Variants in KCTD16 observed in about 807,000 individuals in gnomAD.
KCTD16 encodes BTB/POZ domain-containing protein KCTD16.
A neutral mutation model predicts 33.2 loss-of-function variants in KCTD16; 13 were observed. The observed-to-expected ratio is 0.39, with a 90% CI of 0.25 to 0.62. The LOEUF (loss-of-function observed/expected upper bound fraction) is 0.62, where lower values mean the gene tolerates loss of function less well. KCTD16 is among the 20% of genes least tolerant of loss of function. KCTD16 has a pLI of 0.50. For missense variants in KCTD16, 441 were observed against 525.1 expected, an observed-to-expected ratio of 0.84 and a Z score of 1.57; for synonymous variants, 197 against 195.3, an observed-to-expected ratio of 1.01 and a Z score of -0.07.
At chr5:144,396,778 T>C (rs1179570826) in intron 3 of KCTD16, among the ~76,000 whole-genome samples, 1 of 152,056 alleles carries the variant, frequency 6.6e-6, no homozygotes, top group Non-Finnish European at 1.5e-5. Flanking sequence ...TGCTTATCAA[T>C]GCTCTAATGT....
intron 2 of KCTD16, among the ~76,000 whole-genome samples, chr5:144,185,238 C>T (rs1227706152): frequency 1.3e-5 from 2 of 152,142 alleles, no homozygotes; most frequent in African/African-American, 4.8e-5. Context: ...ATTATTTTGC[C>T]TCTCTGACAC....
chr5:144,415,987 T>C (rs1215873689), intron 3 of KCTD16, among the ~76,000 whole-genome samples: 23 of 152,182 alleles, frequency 1.5e-4, no homozygotes, highest in Admixed American at 6.5e-5. Flanking sequence ...ACAGATAATC[T>C]TACAGTGTAG....
intron 3 of KCTD16, among the ~76,000 whole-genome samples, chr5:144,456,436 A>T (rs1450480822): frequency 6.6e-6 from 1 of 152,022 alleles, no homozygotes; most frequent in Non-Finnish European, 1.5e-5. Context: ...TTGCTCTATC[A>T]CTTTGTTCCT....
In KCTD16 at chr5:144,207,480, G is replaced by C. The variant is rs752000601; in HGVS notation, c.766G>C (p.Ala256Pro). The part of the protein sequence containing the change: ...HMVACNSSVT[A>P]SFINQYTDDK... ...GGTGGCCTGTAACTCATCGGTGACA[G>C]CATCTTTCATCAACCAATATACAGA... Residue 256 changes from alanine to proline, a missense_variant, in exon 3 of 4, where the codon GCA becomes CCA. Physicochemically the swap from Ala to Pro is conservative, Grantham distance 27. Transcript: ENST00000512467. The C allele has an allele frequency of 1.2e-6, 2 of 1,614,044 alleles. No homozygotes were observed. Among genetic ancestry groups the C allele is most frequent in the East Asian group, 4.5e-5 (2 of 44,890 alleles).
chr5:144,468,895 C>A (rs950283681), intron 3 of KCTD16, among the ~76,000 whole-genome samples: 9 of 152,188 alleles, frequency 5.9e-5, no homozygotes, highest in African/African-American at 2.2e-4. Flanking sequence ...ATGTTTCACT[C>A]AGCTCGGTTT....
rs950240274 is a variant in KCTD16 at position 144,179,379 on chromosome 5, A to G, written c.-327+4907A>G. On this transcript the variant is annotated intron_variant, in intron 2 of 3. Coordinates refer to ENST00000512467, the MANE Select transcript of KCTD16 (RefSeq NM_020768.4). ...CTCCCCCCATGGGAACCAGGAGGCAACTCATCCTCTAGATACTGTACACCA... is the reference window on the plus strand; with the variant it reads ...CTCCCCCCATGGGAACCAGGAGGCAGCTCATCCTCTAGATACTGTACACCA... 8.5e-5 allele frequency among the ~76,000 whole-genome samples: 13 copies of G among 152,170 alleles called. No homozygotes were observed. The East Asian group carries it at 2.5e-3, about 29-fold the overall frequency.
chr5:144,324,952 G>GA (rs1433078176), intron 3 of KCTD16, among the ~76,000 whole-genome samples: 1 of 152,160 alleles, frequency 6.6e-6, no homozygotes, highest in Non-Finnish European at 1.5e-5. Context: ...GAGAGCATCA[G>GA]AAAAAATAGC....
At chr5:144,392,843 A>C (rs1280279434) in intron 3 of KCTD16, among the ~76,000 whole-genome samples, 6 of 152,168 alleles carry the variant, frequency 3.9e-5, no homozygotes, top group Non-Finnish European at 8.8e-5. Context: ...TGAAGCCTCC[A>C]TCAACGCAAG....
rs576166630 is a variant in KCTD16 at position 144,428,243 on chromosome 5, C to A, written c.833-45417C>A. Among the ~76,000 whole-genome samples, 10 of 152,236 alleles carry A rather than the reference C, an allele frequency of 6.6e-5. 1 individual carries two copies. Among genetic ancestry groups the A allele is most frequent in the African/African-American group, 2.4e-4 (10 of 41,572 alleles). On this transcript the variant is annotated intron_variant, in intron 3 of 3. Transcript: ENST00000512467. ...GGAAATAGATAAAATGGTGATAAGC[C>A]ATTCTTTGCTGTTGCTTGTCTGTTA... is the stretch of plus-strand genomic sequence containing the variant.
chr5:144,429,145 G>A (rs1002667512), intron 3 of KCTD16, among the ~76,000 whole-genome samples: 2 of 152,086 alleles, frequency 1.3e-5, no homozygotes, highest in Non-Finnish European at 2.9e-5. Context: ...GAGAAAAGTG[G>A]AACAGATTGA....
At chr5:144,299,898 TA>T (rs66821172) in intron 3 of KCTD16, among the ~76,000 whole-genome samples, 32,744 of 128,740 alleles carry the variant, frequency 0.25, 3,946 homozygotes, top group Non-Finnish European at 0.32. Flanking sequence ...CAGAATCATT[TA>T]AAAAAAAAAA....
chr5:144,189,119 G>A (rs1752787365), intron 2 of KCTD16, among the ~76,000 whole-genome samples: 1 of 152,194 alleles, frequency 6.6e-6, no homozygotes, highest in Non-Finnish European at 1.5e-5. Flanking sequence ...ATCTACTGGA[G>A]TAGCAGTTCT....
At chr5:144,444,792 T>C (rs923156600) in intron 3 of KCTD16, among the ~76,000 whole-genome samples, 2 of 151,460 alleles carry the variant, frequency 1.3e-5, no homozygotes, top group African/African-American at 2.4e-5. Flanking sequence ...TGTTGTCGTC[T>C]ATTCCAGATT....
chr5:144,225,460 G>A (rs1002445371), intron 3 of KCTD16, among the ~76,000 whole-genome samples: 2 of 151,762 alleles, frequency 1.3e-5, no homozygotes, highest in African/African-American at 4.8e-5. Context: ...GAATTTCATA[G>A]TACAAAAAAG....
At chr5:144,283,196 A>T (rs1260224718) in intron 3 of KCTD16, among the ~76,000 whole-genome samples, 1 of 152,198 alleles carries the variant, frequency 6.6e-6, no homozygotes, top group Non-Finnish European at 1.5e-5. Context: ...TACTAATTAC[A>T]TCTGCTGCAT....
At chr5:144,310,723 T>G (rs190407413) in intron 3 of KCTD16, among the ~76,000 whole-genome samples, 1 of 152,270 alleles carries the variant, frequency 6.6e-6, no homozygotes, top group African/African-American at 2.4e-5. Context: ...GCTCATTGAG[T>G]TGGCACTATT....
intron 3 of KCTD16, among the ~76,000 whole-genome samples, chr5:144,363,163 GA>G (rs1751754020): frequency 6.6e-6 from 1 of 152,064 alleles, no homozygotes; most frequent in East Asian, 1.9e-4. Flanking sequence ...CCAACACAGT[GA>G]AACCCAATCT....
intron 3 of KCTD16, among the ~76,000 whole-genome samples, chr5:144,399,727 T>G (rs1752660186): frequency 6.6e-6 from 1 of 152,072 alleles, no homozygotes; most frequent in Non-Finnish European, 1.5e-5. Flanking sequence ...ATAGCAAAAA[T>G]TATTATGATA....
At chr5:144,342,991 T>C (rs1051878100) in intron 3 of KCTD16, among the ~76,000 whole-genome samples, 3 of 152,230 alleles carry the variant, frequency 2.0e-5, no homozygotes, top group African/African-American at 4.8e-5. Context: ...TAGTATTTTA[T>C]TGAGGATTTT....
Sources: allele counts gnomAD v4.1 joint callset (sites outside exome capture counted in the v4.1 genomes callset), GRCh38; gene constraint gnomAD v4.1.1; transcripts MANE v1.5; gene names NCBI Gene and HGNC (gene_info 2026-07-23, HGNC 2026-07-21).